GALNTL6: variants seen among roughly 807,000 people sequenced by gnomAD.
GALNTL6 encodes polypeptide N-acetylgalactosaminyltransferase like 6.
Under a neutral mutation model 73.7 loss-of-function variants are expected in GALNTL6, and 46 were observed. The ratio of observed to expected loss-of-function variants is 0.62; its 90% confidence interval spans 0.49 to 0.80. The LOEUF is 0.80. GALNTL6 is among the 30% of genes least tolerant of loss of function. The pLI is 0.00. For synonymous variants in GALNTL6, 259 were observed against 263.7 expected (o/e 0.98, Z 0.17); for missense variants, 604 against 755.0 (o/e 0.80, Z 2.34).
At chr4:172,097,531 C>T (rs1435023252) in intron 2 of GALNTL6, among the ~76,000 whole-genome samples, 3 of 152,084 alleles carry the variant, frequency 2.0e-5, no homozygotes, top group Non-Finnish European at 4.4e-5. Flanking sequence ...TTCCTCTCTC[C>T]CTTCCTCCCT....
intron 2 of GALNTL6, among the ~76,000 whole-genome samples, chr4:171,982,759 T>A (rs1739944164): frequency 6.6e-6 from 1 of 152,194 alleles, no homozygotes; most frequent in Admixed American, 6.5e-5. Context: ...CATCTTTCTC[T>A]GTTCTGTAAT....
At chr4:172,473,059 T>TA (rs1733108975) in intron 5 of GALNTL6, among the ~76,000 whole-genome samples, 1 of 152,182 alleles carries the variant, frequency 6.6e-6, no homozygotes, top group Non-Finnish European at 1.5e-5. Flanking sequence ...AAGCATTTTC[T>TA]AAATGCCTGA....
intron 5 of GALNTL6, among the ~76,000 whole-genome samples, chr4:172,723,725 C>T (rs990889708): frequency 6.6e-6 from 1 of 152,014 alleles, no homozygotes; most frequent in African/African-American, 2.4e-5. Context: ...GTTTCAGCTC[C>T]CTGGTAGAAA....
intron 3 of GALNTL6, among the ~76,000 whole-genome samples, chr4:172,299,701 G>A (rs1291115854): frequency 6.6e-6 from 1 of 152,200 alleles, no homozygotes; most frequent in Non-Finnish European, 1.5e-5. Context: ...TTAATCCTGA[G>A]TTCTAGTTTG....
At chr4:172,294,316 A>G (rs1287604653) in intron 3 of GALNTL6, among the ~76,000 whole-genome samples, 2 of 152,124 alleles carry the variant, frequency 1.3e-5, no homozygotes, top group Non-Finnish European at 2.9e-5. Context: ...GCTTCAAATG[A>G]CATTTAAAAT....
intron 2 of GALNTL6, among the ~76,000 whole-genome samples, chr4:172,197,716 T>G (rs1735817899): frequency 6.6e-6 from 1 of 152,212 alleles, no homozygotes; most frequent in African/African-American, 2.4e-5. Flanking sequence ...TAAATGGTTT[T>G]GGGAGAACTG....
At chr4:172,191,020 G>A (rs1719134236) in intron 2 of GALNTL6, among the ~76,000 whole-genome samples, 1 of 152,098 alleles carries the variant, frequency 6.6e-6, no homozygotes, top group Non-Finnish European at 1.5e-5. Flanking sequence ...TTACCTGGTG[G>A]CTTCATCTCT....
chr4:172,116,740 C>G (rs1467451490), intron 2 of GALNTL6, among the ~76,000 whole-genome samples: 1 of 152,096 alleles, frequency 6.6e-6, no homozygotes, highest in Non-Finnish European at 1.5e-5. Flanking sequence ...CTTTTTAAAA[C>G]AGCAAAGTGC....
intron 5 of GALNTL6, among the ~76,000 whole-genome samples, chr4:172,515,301 A>T (rs1485425760): frequency 6.6e-6 from 1 of 152,228 alleles, no homozygotes; most frequent in Non-Finnish European, 1.5e-5. Context: ...CCCAGGGATG[A>T]TGCATAGTCT....
At chr4:172,327,154 A>C (rs183667619) in intron 4 of GALNTL6, among the ~76,000 whole-genome samples, 1 of 152,172 alleles carries the variant, frequency 6.6e-6, no homozygotes, top group Non-Finnish European at 1.5e-5. Flanking sequence ...TTATTTTTAT[A>C]TGACCTAAAA....
intron 2 of GALNTL6, among the ~76,000 whole-genome samples, chr4:172,074,706 C>A (rs974369740): frequency 2.0e-5 from 3 of 151,894 alleles, no homozygotes; most frequent in Non-Finnish European, 4.4e-5. Context: ...TAAAAGTGCA[C>A]AACACAATAT....
intron 5 of GALNTL6, among the ~76,000 whole-genome samples, chr4:172,431,468 A>G (rs335975): frequency 0.87 from 131,969 of 152,184 alleles, 57,289 homozygotes; most frequent in South Asian, 0.89. Context: ...TAGGAAAACT[A>G]TGTCAGCATA....
intron 5 of GALNTL6, among the ~76,000 whole-genome samples, chr4:172,371,768 TC>T (rs1247970195): frequency 2.0e-5 from 3 of 152,118 alleles, no homozygotes; most frequent in Admixed American, 1.3e-4. Context: ...TACTGGTCTT[TC>T]CCTGCCTCTG....
intron 2 of GALNTL6, among the ~76,000 whole-genome samples, chr4:171,916,928 T>C (rs549069829): frequency 6.6e-5 from 10 of 152,166 alleles, no homozygotes; most frequent in Admixed American, 3.3e-4. Flanking sequence ...ATCACCTTTC[T>C]GCACCACCCA....
At chr4:172,882,284 C>T (rs1356597976) in intron 7 of GALNTL6, among the ~76,000 whole-genome samples, 1 of 152,148 alleles carries the variant, frequency 6.6e-6, no homozygotes, top group Non-Finnish European at 1.5e-5. Flanking sequence ...TTTATTCTAA[C>T]CTGCCGATCT....
intron 2 of GALNTL6, among the ~76,000 whole-genome samples, chr4:171,884,332 C>A (rs1736549151): frequency 3.3e-5 from 5 of 152,224 alleles, no homozygotes; most frequent in Admixed American, 2.6e-4. Flanking sequence ...TTATTACCGA[C>A]TATGTTTCAG....
intron 5 of GALNTL6, among the ~76,000 whole-genome samples, chr4:172,362,252 A>G (rs1049975190): frequency 2.6e-5 from 4 of 152,168 alleles, no homozygotes; most frequent in Admixed American, 2.6e-4. Context: ...CTGAAGTTGT[A>G]CAACTAGCAT....
intron 10 of GALNTL6, among the ~76,000 whole-genome samples, chr4:172,989,391 C>T (rs1751443991): frequency 6.6e-6 from 1 of 152,134 alleles, no homozygotes; most frequent in Non-Finnish European, 1.5e-5. Context: ...AATGAATTAA[C>T]ATTTCAGGGG....
At chr4:172,529,952 G>C (rs1255402536) in intron 5 of GALNTL6, among the ~76,000 whole-genome samples, 1 of 150,710 alleles carries the variant, frequency 6.6e-6, no homozygotes, top group African/African-American at 2.4e-5. Flanking sequence ...ATGCTGGCAA[G>C]GCTGGTCTTG....
Sources: gnomAD v4.1 joint callset for allele counts (sites outside exome capture counted in the v4.1 genomes callset) on GRCh38, gnomAD v4.1.1 for gene constraint, MANE v1.5 for transcripts, NCBI Gene and HGNC (gene_info 2026-07-23, HGNC 2026-07-21) for gene names.